SPATA18: variants seen among roughly 807,000 people sequenced by gnomAD.
SPATA18 encodes mitochondria-eating protein.
A neutral mutation model predicts 68.1 loss-of-function variants in SPATA18; 54 were observed. That is an observed-to-expected ratio of 0.79 (90% confidence interval 0.64 to 0.99). SPATA18 has a LOEUF of 0.99. Ranked by LOEUF, SPATA18 falls within the 50% of genes least tolerant of loss-of-function variation. SPATA18 has a pLI of 0.00. For synonymous variants in SPATA18, 242 were observed against 244.8 expected (o/e 0.99, Z 0.11); for missense variants, 724 against 681.1 (o/e 1.06, Z -0.70).
intron 11 of SPATA18, among the ~76,000 whole-genome samples, chr4:52,090,263 G>T (rs1267817456): frequency 6.6e-6 from 1 of 152,056 alleles, no homozygotes; most frequent in Non-Finnish European, 1.5e-5. Context: ...TTTAATTGGG[G>T]CATTTAGTCC....
intron 6 of SPATA18, among the ~76,000 whole-genome samples, chr4:52,075,136 G>C (rs1316739139): frequency 6.6e-6 from 1 of 152,254 alleles, no homozygotes; most frequent in East Asian, 1.9e-4. Flanking sequence ...GGAGGGAGGG[G>C]CACTCATTTT....
intron 1 of SPATA18, among the ~76,000 whole-genome samples, chr4:52,052,880 T>C (rs1207283054): frequency 6.6e-6 from 1 of 152,210 alleles, no homozygotes; most frequent in Non-Finnish European, 1.5e-5. Flanking sequence ...AGCTACAGCT[T>C]TCTCCTTAGC....
chr4:52,093,977 A>G (rs11937507), intron 11 of SPATA18, among the ~76,000 whole-genome samples: 26,238 of 152,172 alleles, frequency 0.17, 2,599 homozygotes, highest in East Asian at 0.41. Context: ...TTCATCCAGA[A>G]TGGATTCCAT....
At chr4:52,054,393 G>A (rs77420829) in intron 1 of SPATA18, among the ~76,000 whole-genome samples, 2,159 of 152,300 alleles carry the variant, frequency 0.014, 49 homozygotes, top group African/African-American at 0.048. Context: ...GCAACCTGCA[G>A]GCTGGGAAGC....
intron 8 of SPATA18, among the ~76,000 whole-genome samples, chr4:52,079,469 TATG>T (rs1740722243): frequency 6.6e-6 from 1 of 152,226 alleles, no homozygotes; most frequent in African/African-American, 2.4e-5. Flanking sequence ...AAAATAAGGA[TATG>T]ATAAATAAAA....
intron 9 of SPATA18, among the ~76,000 whole-genome samples, chr4:52,081,613 T>C (rs943002712): frequency 6.6e-6 from 1 of 152,230 alleles, no homozygotes; most frequent in Non-Finnish European, 1.5e-5. Flanking sequence ...AGTTTTTCTT[T>C]CTTTTTTAGC....
intron 4 of SPATA18, among the ~76,000 whole-genome samples, chr4:52,065,375 T>A (rs1739229753): frequency 6.6e-6 from 1 of 152,170 alleles, no homozygotes; most frequent in African/African-American, 2.4e-5. Context: ...CCTAAACCAA[T>A]ATCTAAAAGA....
chr4:52,067,997 A>G (rs1250639017), intron 4 of SPATA18, among the ~76,000 whole-genome samples: 1 of 152,198 alleles, frequency 6.6e-6, no homozygotes, highest in Non-Finnish European at 1.5e-5. Context: ...TAGCATATGG[A>G]TGTACTTTTC....
chr4:52,091,986 C>A (rs1241264905), intron 11 of SPATA18, among the ~76,000 whole-genome samples: 1 of 152,206 alleles, frequency 6.6e-6, no homozygotes, highest in African/African-American at 2.4e-5. Context: ...AACTTCCTAG[C>A]AGCTTTGTTT....
At chr4:52,063,744 G>A (rs545951777) in intron 4 of SPATA18, among the ~76,000 whole-genome samples, 1 of 152,134 alleles carries the variant, frequency 6.6e-6, no homozygotes, top group Non-Finnish European at 1.5e-5. Context: ...GACATGAGGA[G>A]TTTTTGGTCT....
At chr4:52,053,392 C>T (rs559174949) in intron 1 of SPATA18, among the ~76,000 whole-genome samples, 1 of 152,266 alleles carries the variant, frequency 6.6e-6, no homozygotes, top group Admixed American at 6.5e-5. Flanking sequence ...GTGGCCACTC[C>T]CCAGGTTCCA....
intron 4 of SPATA18, among the ~76,000 whole-genome samples, chr4:52,067,561 C>T (rs1375939342): frequency 1.3e-5 from 2 of 152,172 alleles, no homozygotes; most frequent in South Asian, 2.1e-4. Flanking sequence ...CCTGAAAGAA[C>T]TTTTCAGTCT....
At chr4:52,076,691 G>A (rs1449755508) in intron 6 of SPATA18, 88 bp from the exon 7 acceptor site, 1 of 1,553,076 alleles carries the variant, frequency 6.4e-7, no homozygotes, top group Non-Finnish European at 8.7e-7. Flanking sequence ...GCCTCCGGAT[G>A]GTCGGATTCA....
intron 4 of SPATA18, among the ~76,000 whole-genome samples, chr4:52,066,213 C>T (rs541953563): frequency 9.2e-5 from 14 of 152,262 alleles, no homozygotes; most frequent in Middle Eastern, 3.4e-3. Flanking sequence ...TGCAGTGGTG[C>T]GATCTCGGCT....
rs531001750 is a variant in SPATA18 at position 52,061,234 on chromosome 4, A to G, written c.309+337A>G. Reference sequence around the variant, plus strand: ...ATTTAGTCTGTTCTGAGAAAACCAAACATCACATGTTCTCACTCATAAGTG... The same window carrying G: ...ATTTAGTCTGTTCTGAGAAAACCAAGCATCACATGTTCTCACTCATAAGTG... On this transcript the variant is annotated intron_variant, in intron 3 of 12. Coordinates refer to ENST00000295213, the MANE Select transcript of SPATA18 (RefSeq NM_145263.4). Among the ~76,000 whole-genome samples the G allele has an allele frequency of 5.5e-4, 84 of 152,206 alleles. 1 individual carries two copies. The highest frequency in any genetic ancestry group is 1.9e-3 in the African/African-American group (80 of 41,530).
intron 3 of SPATA18, among the ~76,000 whole-genome samples, chr4:52,061,818 T>G (rs536010777): frequency 6.6e-6 from 1 of 152,336 alleles, no homozygotes; most frequent in South Asian, 2.1e-4. Flanking sequence ...TTTTTTTCCC[T>G]GAGAATTTAT....
intron 6 of SPATA18, among the ~76,000 whole-genome samples, chr4:52,076,046 C>T (rs1446460494): frequency 6.6e-6 from 1 of 152,220 alleles, no homozygotes; most frequent in East Asian, 1.9e-4. Context: ...ACTTGGATTG[C>T]TCCTAAATCT....
chr4:52,053,773 C>CCCTTCT (rs1738101726), intron 1 of SPATA18, among the ~76,000 whole-genome samples: 2 of 152,146 alleles, frequency 1.3e-5, no homozygotes, highest in African/African-American at 4.8e-5. Flanking sequence ...TTTCACCACC[C>CCCTTCT]CCACTGCTAC....
intron 9 of SPATA18, 102 bp from the exon 10 acceptor site, chr4:52,082,285 G>A (rs1338541978): frequency 8.9e-7 from 1 of 1,122,856 alleles, no homozygotes; most frequent in African/African-American, 1.5e-5. Flanking sequence ...TATTTACTCA[G>A]ATCTGAGCAT....
Sources: allele counts gnomAD v4.1 joint callset (sites outside exome capture counted in the v4.1 genomes callset), GRCh38; gene constraint gnomAD v4.1.1; transcripts MANE v1.5; gene names NCBI Gene and HGNC (gene_info 2026-07-23, HGNC 2026-07-21).